The following GALNTL6 variants were observed in gnomAD, a reference collection of about 807,000 sequenced individuals.
The protein encoded by GALNTL6 is polypeptide N-acetylgalactosaminyltransferase-like 6.
GALNTL6 carries 46 observed loss-of-function variants against 73.7 expected under a neutral mutation model. The ratio of observed to expected loss-of-function variants is 0.62; its 90% CI spans 0.49 to 0.80. GALNTL6 has a LOEUF of 0.80. Among genes scored for constraint, GALNTL6 ranks in the 30% least tolerant of loss-of-function variants. The pLI is 0.00. For missense variants in GALNTL6, 604 were observed against 755.0 expected (o/e 0.80, Z 2.34); for synonymous variants, 259 against 263.7 (o/e 0.98, Z 0.17).
At position 172,368,604 on chromosome 4, in the gene GALNTL6, C is replaced by T. The variant is rs139082147; in HGVS notation, c.553+19915C>T. ...GGATGTTGTCAAGTGCTGTTGTGTCCGGAATTTTTGGGTTCTTGGTCTCGC... is the reference window on the plus strand; with the variant it reads ...GGATGTTGTCAAGTGCTGTTGTGTCTGGAATTTTTGGGTTCTTGGTCTCGC... On this transcript the variant is annotated intron_variant, in intron 5 of 12. Transcript: ENST00000506823. Among the ~76,000 whole-genome samples the T allele has an allele frequency of 4.1e-3, 628 of 152,280 alleles. 2 individuals carry two copies. The highest frequency in any genetic ancestry group is 0.01 in the African/African-American group (435 of 41,548).
chr4:172,546,170 A>C lies in GALNTL6; in HGVS notation c.553+197481A>C, dbSNP rs374558781. Among the ~76,000 whole-genome samples, 98 of 152,240 alleles carry C rather than the reference A, an allele frequency of 6.4e-4. No homozygotes were observed. In the South Asian group the frequency reaches 8.1e-3, roughly 13 times the overall value. On this transcript the variant is annotated intron_variant, in intron 5 of 12. Transcript: ENST00000506823. ...CTCCCAGAAGTTAAATAACTTACTCACCCATTACCACTCGGGAGAGAAGAA... is the reference window on the plus strand; with the variant it reads ...CTCCCAGAAGTTAAATAACTTACTCCCCCATTACCACTCGGGAGAGAAGAA...
chr4:172,174,050 G>C (rs1369882860), intron 2 of GALNTL6, among the ~76,000 whole-genome samples: 1 of 152,096 alleles, frequency 6.6e-6, no homozygotes, highest in Non-Finnish European at 1.5e-5. Flanking sequence ...TTTTCCTCTT[G>C]CTTTAAAAAG....
intron 7 of GALNTL6, among the ~76,000 whole-genome samples, chr4:172,858,912 T>A (rs944689355): frequency 6.6e-6 from 1 of 150,406 alleles, no homozygotes; most frequent in African/African-American, 2.5e-5. Context: ...CAAAGAAAAT[T>A]AAAGATGAAC....
At chr4:172,271,151 TA>T (rs1173490289) in intron 3 of GALNTL6, among the ~76,000 whole-genome samples, 3 of 152,142 alleles carry the variant, frequency 2.0e-5, no homozygotes, top group Non-Finnish European at 2.9e-5. Flanking sequence ...GAAATTGTCA[TA>T]ATGGAATTTC....
chr4:171,979,570 T>C (rs1367697575), intron 2 of GALNTL6, among the ~76,000 whole-genome samples: 1 of 152,154 alleles, frequency 6.6e-6, no homozygotes, highest in Non-Finnish European at 1.5e-5. Flanking sequence ...TCCTATAAAT[T>C]TGGAGATCCA....
At chr4:171,929,850 A>G (rs1738118486) in intron 2 of GALNTL6, among the ~76,000 whole-genome samples, 1 of 152,158 alleles carries the variant, frequency 6.6e-6, no homozygotes, top group Non-Finnish European at 1.5e-5. Flanking sequence ...CAGCAGCCCC[A>G]GCTCCCTGGA....
intron 2 of GALNTL6, among the ~76,000 whole-genome samples, chr4:172,182,553 C>CA (rs34354883): frequency 0.073 from 9,292 of 127,324 alleles, 1,028 homozygotes; most frequent in African/African-American, 0.25. Flanking sequence ...TGAAAAATAC[C>CA]AAAAAAAAAA....
At chr4:171,919,318 G>A (rs1432216487) in intron 2 of GALNTL6, among the ~76,000 whole-genome samples, 17 of 151,936 alleles carry the variant, frequency 1.1e-4, no homozygotes, top group Admixed American at 9.9e-4. Context: ...AGAAAAAAAT[G>A]TCTTTCATTT....
chr4:172,319,769 T>G (rs1740691133), intron 4 of GALNTL6, among the ~76,000 whole-genome samples: 1 of 152,190 alleles, frequency 6.6e-6, no homozygotes, highest in African/African-American at 2.4e-5. Context: ...GGTACTCCCC[T>G]GACTTGATCC....
intron 5 of GALNTL6, among the ~76,000 whole-genome samples, chr4:172,627,956 T>C (rs1377251513): frequency 1.3e-5 from 2 of 152,008 alleles, no homozygotes; most frequent in African/African-American, 4.8e-5. Flanking sequence ...AAACTACTTT[T>C]GGTTTTGGTG....
In GALNTL6 at chr4:172,069,481, T is replaced by TGTATGACAC. The variant is rs1731451149; in HGVS notation, c.139-160175_139-160174insGTATGACAC. The stretch of plus-strand genomic sequence containing the variant: ...ACACACATATAACATATATGTTATA[T>TGTATGACAC]ATAACACATATGTTATATGTATAAC... On this transcript the variant is annotated intron_variant, in intron 2 of 12. Coordinates refer to ENST00000506823, the MANE Select transcript of GALNTL6 (RefSeq NM_001034845.3). Among the ~76,000 whole-genome samples the TGTATGACAC allele has an allele frequency of 3.5e-4, 11 of 31,012 alleles. 2 individuals carry two copies. The highest frequency in any genetic ancestry group is 6.2e-4 in the Non-Finnish European group (5 of 8,084). The allele number at this position is 31,012 out of a possible 152,430, so 20.3% of individuals were successfully genotyped here. A position where few individuals can be genotyped will look rare whatever the true frequency, so the allele number is the denominator to read the frequency against.
intron 5 of GALNTL6, among the ~76,000 whole-genome samples, chr4:172,547,446 C>T (rs1309363715): frequency 1.3e-5 from 2 of 152,070 alleles, no homozygotes; most frequent in Non-Finnish European, 2.9e-5. Context: ...CTCTGTGGGC[C>T]ACAGGCACAC....
chr4:171,899,230 T>C (rs1329058110), intron 2 of GALNTL6, among the ~76,000 whole-genome samples: 1 of 147,330 alleles, frequency 6.8e-6, no homozygotes, highest in Admixed American at 6.8e-5. Context: ...TTACTGTTTG[T>C]GTTACCCTAT....
At chr4:172,559,057 G>GTTTTTT (rs1356116270) in intron 5 of GALNTL6, among the ~76,000 whole-genome samples, 3 of 40,490 alleles carry the variant, frequency 7.4e-5, no homozygotes, top group African/African-American at 1.8e-4. Context: ...AATGATAATG[G>GTTTTTT]ATTTTTTTTT....
intron 5 of GALNTL6, among the ~76,000 whole-genome samples, chr4:172,364,511 A>C (rs1347164428): frequency 6.6e-6 from 1 of 152,174 alleles, no homozygotes; most frequent in African/African-American, 2.4e-5. Flanking sequence ...TAAGTATTCT[A>C]TTTATTTAAA....
At chr4:172,225,484 C>T (rs1736824187) in intron 2 of GALNTL6, among the ~76,000 whole-genome samples, 1 of 151,570 alleles carries the variant, frequency 6.6e-6, no homozygotes, top group Non-Finnish European at 1.5e-5. Context: ...GTTCCCAACC[C>T]ATAATAAGCC....
chr4:172,037,013 T>C (rs773647305), intron 2 of GALNTL6, among the ~76,000 whole-genome samples: 3 of 152,106 alleles, frequency 2.0e-5, no homozygotes, highest in South Asian at 2.1e-4. Flanking sequence ...AATAGAGATA[T>C]GTGTGGAATG....
intron 2 of GALNTL6, among the ~76,000 whole-genome samples, chr4:172,049,460 T>C (rs1198342091): frequency 6.6e-6 from 1 of 152,164 alleles, no homozygotes; most frequent in Non-Finnish European, 1.5e-5. Flanking sequence ...TACACTTCCT[T>C]TTATATTTAT....
chr4:171,951,781 T>A (rs1738889243), intron 2 of GALNTL6, among the ~76,000 whole-genome samples: 1 of 152,068 alleles, frequency 6.6e-6, no homozygotes, highest in South Asian at 2.1e-4. Flanking sequence ...AATCAAGAAA[T>A]TACGCTAAAT....
Sources: allele counts gnomAD v4.1 joint callset (sites outside exome capture counted in the v4.1 genomes callset), GRCh38; gene constraint gnomAD v4.1.1; transcripts MANE v1.5; gene names NCBI Gene and HGNC (gene_info 2026-07-23, HGNC 2026-07-21).